The following PLB1 variants were observed in gnomAD, a reference collection of about 807,000 sequenced individuals.
The protein encoded by PLB1 is phospholipase B1.
Under a neutral mutation model 227.4 loss-of-function variants are expected in PLB1, and 242 were observed. The ratio of observed to expected loss-of-function variants is 1.06; its 90% confidence interval spans 0.96 to 1.18. The LOEUF is 1.18. Ranked by LOEUF, PLB1 falls within the 50% of genes most tolerant of loss-of-function variation. PLB1 has a pLI of 0.00. For missense variants in PLB1, 1,858 were observed against 1,816.3 expected, an observed-to-expected ratio of 1.02 and a Z score of -0.42; for synonymous variants, 757 against 682.2, an observed-to-expected ratio of 1.11 and a Z score of -1.71.
chr2:28,574,441 A>G (rs143437293), intron 21 of PLB1, among the ~76,000 whole-genome samples: 5,386 of 139,860 alleles, frequency 0.039, 237 homozygotes, highest in African/African-American at 0.1. Flanking sequence ...GGAGTACAGT[A>G]GTGTGATCTC....
chr2:28,543,030 A>G (rs72788058), intron 13 of PLB1, among the ~76,000 whole-genome samples, 182 bp from the exon 14 acceptor site: 569 of 152,198 alleles, frequency 3.7e-3, no homozygotes, highest in Non-Finnish European at 5.9e-3. Flanking sequence ...CCCTGACCTC[A>G]GGGCCCTGAC....
chr2:28,619,028 G>A (rs565653176), intron 46 of PLB1, among the ~76,000 whole-genome samples: 5 of 152,336 alleles, frequency 3.3e-5, no homozygotes, highest in Non-Finnish European at 5.9e-5. Flanking sequence ...TGACATATAG[G>A]ACTTGGATGT....
chr2:28,575,869 A>G (rs1052266518), intron 21 of PLB1, among the ~76,000 whole-genome samples: 1 of 152,132 alleles, frequency 6.6e-6, no homozygotes, highest in Admixed American at 6.6e-5. Flanking sequence ...ATGTTTTATG[A>G]TGAATTCTGA....
At chr2:28,621,102 C>T in intron 49 of PLB1, 124 bp downstream of exon 49, 1 of 737,588 alleles carries the variant, frequency 1.4e-6, no homozygotes, top group Non-Finnish European at 2.3e-6. Context: ...CTGTGCAGGA[C>T]TTTCTATGTG....
intron 14 of PLB1, among the ~76,000 whole-genome samples, chr2:28,547,228 A>G (rs1419932732): frequency 6.6e-6 from 1 of 150,768 alleles, no homozygotes; most frequent in Admixed American, 6.6e-5. Context: ...AAAAAAAAAA[A>G]ATTGGGGAAG....
chr2:28,577,972 C>T lies in PLB1; in HGVS notation c.1434-135C>T, dbSNP rs970880650. ...TGAATGGGGAAGAAGCTCTGCGACACGGCCTTCAGTCCATTTTCCTGCAGG... is the reference window on the plus strand; with the variant it reads ...TGAATGGGGAAGAAGCTCTGCGACATGGCCTTCAGTCCATTTTCCTGCAGG... On this transcript the variant is annotated intron_variant, in intron 21 of 57. Transcript: ENST00000327757. The T allele has an allele frequency of 9.0e-5, 73 of 812,670 alleles. 1 individual carries two copies. The highest frequency in any genetic ancestry group is 1.3e-4 in the Non-Finnish European group (60 of 478,658). The allele number at this position is 812,670 out of a possible 1,614,324, so 50.3% of individuals were successfully genotyped here.
intron 17 of PLB1, among the ~76,000 whole-genome samples, chr2:28,559,807 A>G (rs1675758159): frequency 8.5e-6 from 1 of 117,802 alleles, no homozygotes. Flanking sequence ...GCTGGATTGC[A>G]GTGGCGCAAT....
At chr2:28,574,748 A>G (rs1016151472) in intron 21 of PLB1, among the ~76,000 whole-genome samples, 9 of 151,992 alleles carry the variant, frequency 5.9e-5, no homozygotes, top group Admixed American at 2.6e-4. Context: ...TCTCCCACTT[A>G]TAAGTGAGAA....
intron 1 of PLB1, among the ~76,000 whole-genome samples, chr2:28,502,324 C>T (rs748332586): frequency 6.6e-6 from 1 of 151,980 alleles, no homozygotes; most frequent in Non-Finnish European, 1.5e-5. Flanking sequence ...TAGATGATAG[C>T]CTTTGGGAAT....
chr2:28,628,730 C>A, intron 52 of PLB1, 102 bp downstream of exon 52: 1 of 1,130,458 alleles, frequency 8.8e-7, no homozygotes, highest in Non-Finnish European at 1.3e-6. Flanking sequence ...AGAGACCCGC[C>A]ATGAGTGAGC....
chr2:28,640,419 C>T (rs562061677), intron 56 of PLB1, among the ~76,000 whole-genome samples: 8 of 152,262 alleles, frequency 5.3e-5, no homozygotes, highest in South Asian at 4.1e-4. Flanking sequence ...TGAGAAACTC[C>T]GATTTCCTAA....
At position 28,638,284 on chromosome 2, in the gene PLB1, TG is replaced by T. The variant is rs1689598220; in HGVS notation, c.4099-2642del. 2.0e-5 allele frequency among the ~76,000 whole-genome samples: 3 copies of T among 151,730 alleles called. No homozygotes were observed. The South Asian group carries it at 6.2e-4, about 32-fold the overall frequency. On this transcript the variant is annotated intron_variant, in intron 56 of 57. Transcript: ENST00000327757. ...AAGTGACAGTGAATTGAGAAGCGCA[TG>T]TCAAGGGGTTGCCAGGCAGAGGAAA...
chr2:28,581,419 G>A (rs1573139466), intron 23 of PLB1, among the ~76,000 whole-genome samples: 1 of 150,902 alleles, frequency 6.6e-6, no homozygotes, highest in African/African-American at 2.5e-5. Context: ...TGTTAGAGGG[G>A]CCTGGAGATG....
chr2:28,535,475 ACCTCCTAGTGGTAC>A (rs1466875506), intron 9 of PLB1, among the ~76,000 whole-genome samples: 8 of 151,846 alleles, frequency 5.3e-5, no homozygotes, highest in Non-Finnish European at 1.2e-4. Flanking sequence ...ACCCACACTC[ACCTCCTAGTGGTAC>A]CTCTGGCCAC....
chr2:28,566,769 A>G (rs1462207404), intron 19 of PLB1, 27 bp from the exon 20 acceptor site: 3 of 1,613,412 alleles, frequency 1.9e-6, no homozygotes, highest in South Asian at 1.1e-5. Flanking sequence ...TTAACCCTTC[A>G]TTTTCTTTCT....
intron 21 of PLB1, among the ~76,000 whole-genome samples, chr2:28,573,645 C>T (rs1357683449): frequency 2.0e-5 from 3 of 152,244 alleles, no homozygotes; most frequent in African/African-American, 4.8e-5. Context: ...TTTCAGAGTC[C>T]TGCTCTCCCT....
At chr2:28,545,496 C>T (rs540002698) in intron 14 of PLB1, among the ~76,000 whole-genome samples, 1 of 152,166 alleles carries the variant, frequency 6.6e-6, no homozygotes, top group Non-Finnish European at 1.5e-5. Flanking sequence ...GGGCACTGGA[C>T]AGGAGCCAGA....
At position 28,626,436 on chromosome 2, in the gene PLB1, C is replaced by T; in HGVS notation, c.3588C>T (p.Asn1196=). 1 of 1,614,030 alleles carries T rather than the reference C, an allele frequency of 6.2e-7. No homozygotes were observed. The highest frequency in any genetic ancestry group is 8.5e-7 in the Non-Finnish European group (1 of 1,179,878). The change falls in exon 51 of 58, where the codon AAC becomes AAT. Residue 1196 remains asparagine, a synonymous_variant. Transcript: ENST00000327757. ...ATCTTCTGTCCCCTCAGGACATCAA[C>T]CTGGAGAAAGACTGGAAGCTGGTCA... The part of the protein sequence containing the change: ...VERMKNSPDI[N]LEKDWKLVTL...
At chr2:28,587,360 A>G (rs1007960103) in intron 26 of PLB1, among the ~76,000 whole-genome samples, 14 of 152,196 alleles carry the variant, frequency 9.2e-5, no homozygotes, top group South Asian at 2.1e-4. Context: ...TCACGCCTAT[A>G]ATCCCAGCAC....
Sources: allele counts gnomAD v4.1 joint callset (sites outside exome capture counted in the v4.1 genomes callset), GRCh38; gene constraint gnomAD v4.1.1; transcripts MANE v1.5; gene names NCBI Gene and HGNC (gene_info 2026-07-23, HGNC 2026-07-21).